The following ZFPM2 variants were observed in gnomAD, a reference collection of about 807,000 sequenced individuals.
ZFPM2 encodes zinc finger protein, FOG family member 2, also known as zinc finger protein ZFPM2.
In ZFPM2, 20 loss-of-function variants were observed where a neutral mutation model predicts 98.6. The ratio of observed to expected loss-of-function variants is 0.20; its 90% CI spans 0.14 to 0.29. The LOEUF is 0.29. Among genes scored for constraint, ZFPM2 ranks in the 10% least tolerant of loss-of-function variants. The pLI is 1.00. For synonymous variants in ZFPM2, 518 were observed against 502.7 expected (o/e 1.03, Z -0.41); for missense variants, 1,310 against 1,388.6 (o/e 0.94, Z 0.90).
At chr8:105,625,498 A>G (rs1816634959) in intron 4 of ZFPM2, among the ~76,000 whole-genome samples, 2 of 152,120 alleles carry the variant, frequency 1.3e-5, no homozygotes, top group African/African-American at 4.8e-5. Context: ...CAAGATTTTA[A>G]TTGAAGCAAG....
At position 105,359,633 on chromosome 8, in the gene ZFPM2, C is replaced by G. The variant is rs1421712613; in HGVS notation, c.40+40652C>G. On this transcript the variant is annotated intron_variant, in intron 1 of 7. Transcript: ENST00000407775. ...TCATGATCCACCCGCCTCAGCCTCCCAGAGTGCTGGGATTACAGGCGTGAG... is the reference window on the plus strand; with the variant it reads ...TCATGATCCACCCGCCTCAGCCTCCGAGAGTGCTGGGATTACAGGCGTGAG... Among the ~76,000 whole-genome samples, 11 of 152,244 alleles carry G rather than the reference C, an allele frequency of 7.2e-5. No homozygotes were observed. In the South Asian group the frequency reaches 2.3e-3, roughly 32 times the overall value.
At chr8:105,448,415 A>G (rs1812417812) in intron 3 of ZFPM2, among the ~76,000 whole-genome samples, 1 of 152,066 alleles carries the variant, frequency 6.6e-6, no homozygotes, top group South Asian at 2.1e-4. Context: ...CAATATTCTT[A>G]TATGTCTAAT....
In ZFPM2 at chr8:105,801,560, C is replaced by T. The variant is rs1200239941; in HGVS notation, c.1478C>T (p.Pro493Leu). 1 of 1,613,786 alleles carries T rather than the reference C, an allele frequency of 6.2e-7. No individual in the cohort carries two copies. Among genetic ancestry groups the T allele is most frequent in the Non-Finnish European group, 8.5e-7 (1 of 1,179,876 alleles). ...CAGCCTAATATTGGGCCTTCTTTCC[C>T]TGTGGGCCCTTTCCTATCTCAGTTT... ...PVQPNIGPSF[P>L]VGPFLSQFSF... Residue 493 changes from proline (P) to leucine (L), a missense_variant, in exon 8 of 8, where the codon CCT (proline) becomes CTT (leucine). Pro to Leu is a moderately conservative substitution (Grantham distance 98). Transcript: ENST00000407775.
intron 4 of ZFPM2, among the ~76,000 whole-genome samples, chr8:105,577,500 A>G (rs1444983672): frequency 3.9e-5 from 6 of 152,048 alleles, no homozygotes; most frequent in Admixed American, 2.0e-4. Flanking sequence ...AAAGAAATAC[A>G]CAGATTTAGT....
At chr8:105,357,849 G>GTTA (rs1489983122) in intron 1 of ZFPM2, among the ~76,000 whole-genome samples, 1 of 152,108 alleles carries the variant, frequency 6.6e-6, no homozygotes, top group African/African-American at 2.4e-5. Flanking sequence ...GCCACTGCCT[G>GTTA]TTACTGGGTT....
intron 5 of ZFPM2, among the ~76,000 whole-genome samples, chr8:105,766,342 C>T (rs1360672216): frequency 6.6e-6 from 1 of 151,908 alleles, no homozygotes; most frequent in African/African-American, 2.4e-5. Context: ...TTTGATTCCT[C>T]ATAATCAAAA....
At chr8:105,533,362 T>G (rs1029442134) in intron 3 of ZFPM2, among the ~76,000 whole-genome samples, 3 of 151,910 alleles carry the variant, frequency 2.0e-5, no homozygotes, top group African/African-American at 7.2e-5. Flanking sequence ...TTTCAAAATG[T>G]GTAAGGAGTA....
intron 6 of ZFPM2, among the ~76,000 whole-genome samples, chr8:105,792,429 G>C (rs1170696265): frequency 1.3e-5 from 2 of 152,166 alleles, no homozygotes; most frequent in Non-Finnish European, 2.9e-5. Flanking sequence ...CTGAGTTCTA[G>C]TTTGATTGCA....
intron 3 of ZFPM2, among the ~76,000 whole-genome samples, chr8:105,501,385 A>AT (rs1322167831): frequency 1.3e-5 from 2 of 151,778 alleles, no homozygotes; most frequent in Admixed American, 6.6e-5. Flanking sequence ...GGGTTTCACC[A>AT]TGTTGGCCAG....
chr8:105,477,625 G>A (rs1230176649), intron 3 of ZFPM2, among the ~76,000 whole-genome samples: 1 of 151,768 alleles, frequency 6.6e-6, no homozygotes, highest in African/African-American at 2.4e-5. Context: ...GTTTGTAAGT[G>A]GAAAAAAATA....
At chr8:105,774,354 A>G (rs1813050578) in intron 5 of ZFPM2, among the ~76,000 whole-genome samples, 1 of 152,184 alleles carries the variant, frequency 6.6e-6, no homozygotes, top group African/African-American at 2.4e-5. Context: ...GTTATAATTA[A>G]AAAGCTTGAC....
At chr8:105,453,390 A>G (rs944804342) in intron 3 of ZFPM2, among the ~76,000 whole-genome samples, 3 of 152,242 alleles carry the variant, frequency 2.0e-5, no homozygotes, top group African/African-American at 7.2e-5. Flanking sequence ...TGGTGGGGCC[A>G]GCCCAGTCTG....
At chr8:105,756,141 TG>T (rs2131062892) in intron 5 of ZFPM2, among the ~76,000 whole-genome samples, 1 of 152,332 alleles carries the variant, frequency 6.6e-6, no homozygotes, top group African/African-American at 2.4e-5. Flanking sequence ...CTTTCCATTG[TG>T]CTGGCTGTTT....
chr8:105,578,998 A>G (rs1345775439), intron 4 of ZFPM2, among the ~76,000 whole-genome samples: 2 of 152,152 alleles, frequency 1.3e-5, no homozygotes, highest in South Asian at 2.1e-4. Context: ...TTATTAAATC[A>G]TAAGTAAACC....
intron 4 of ZFPM2, among the ~76,000 whole-genome samples, chr8:105,578,168 G>A (rs576523913): frequency 2.0e-5 from 3 of 152,186 alleles, no homozygotes; most frequent in South Asian, 2.1e-4. Flanking sequence ...GCTACTGAGA[G>A]CTTTGAAAGG....
chr8:105,405,566 G>T (rs967981770), intron 1 of ZFPM2, among the ~76,000 whole-genome samples: 18 of 151,926 alleles, frequency 1.2e-4, no homozygotes, highest in African/African-American at 4.3e-4. Context: ...TGCTGAGAAT[G>T]ATGGTTTCCA....
intron 4 of ZFPM2, among the ~76,000 whole-genome samples, chr8:105,585,361 T>C (rs539954335): frequency 2.0e-5 from 3 of 152,290 alleles, no homozygotes; most frequent in African/African-American, 7.2e-5. Context: ...ACCCAGCACT[T>C]TCTGGTTTCC....
chr8:105,331,723 A>C (rs1812237237), intron 1 of ZFPM2, among the ~76,000 whole-genome samples: 1 of 151,756 alleles, frequency 6.6e-6, no homozygotes, highest in African/African-American at 2.4e-5. Flanking sequence ...GGTTTTCATG[A>C]GCTTCTCAAT....
At chr8:105,638,941 T>C (rs1318251030) in intron 5 of ZFPM2, among the ~76,000 whole-genome samples, 1 of 152,088 alleles carries the variant, frequency 6.6e-6, no homozygotes, top group Non-Finnish European at 1.5e-5. Context: ...CACCTACCCC[T>C]TGTCATTCCA....
Sources: allele counts gnomAD v4.1 joint callset (sites outside exome capture counted in the v4.1 genomes callset), GRCh38; gene constraint gnomAD v4.1.1; transcripts MANE v1.5; gene names NCBI Gene and HGNC (gene_info 2026-07-23, HGNC 2026-07-21).